ATP9B: variants seen among roughly 807,000 people sequenced by gnomAD.
The protein encoded by ATP9B is probable phospholipid-transporting ATPase IIB.
ATP9B carries 110 observed loss-of-function variants against 146.1 expected under a neutral mutation model. That is an observed-to-expected ratio of 0.75 (90% CI 0.65 to 0.88). The LOEUF is 0.88. Among genes scored for constraint, ATP9B ranks in the 40% least tolerant of loss-of-function variants. The pLI is 0.00. For synonymous variants in ATP9B, 604 were observed against 569.7 expected (o/e 1.06, Z -0.86); for missense variants, 1,499 against 1,496.4 (o/e 1.00, Z -0.03).
chr18:79,366,468 T>C (rs1208964490), intron 26 of ATP9B, among the ~76,000 whole-genome samples: 4 of 152,244 alleles, frequency 2.6e-5, no homozygotes, highest in African/African-American at 9.6e-5. Flanking sequence ...GTTTGGCATT[T>C]GCTTCTTACA....
chr18:79,167,560 G>A (rs1452973720), intron 7 of ATP9B, among the ~76,000 whole-genome samples: 4 of 151,974 alleles, frequency 2.6e-5, no homozygotes, highest in Non-Finnish European at 4.4e-5. Context: ...AGAGTAGAGG[G>A]GACCCGGAGT....
At chr18:79,374,703 A>G (rs567393208) in intron 28 of ATP9B, among the ~76,000 whole-genome samples, 263 of 152,376 alleles carry the variant, frequency 1.7e-3, no homozygotes, top group Non-Finnish European at 2.9e-3. Flanking sequence ...TACGTAGGAA[A>G]ATGTGAAATG....
chr18:79,167,295 A>G (rs182596213), intron 7 of ATP9B, among the ~76,000 whole-genome samples: 55 of 152,306 alleles, frequency 3.6e-4, no homozygotes, highest in African/African-American at 1.1e-3. Flanking sequence ...TATATGGACA[A>G]CTAGAGGGTA....
chr18:79,184,060 A>C (rs1317378543), intron 8 of ATP9B, among the ~76,000 whole-genome samples: 4 of 152,082 alleles, frequency 2.6e-5, no homozygotes, highest in Non-Finnish European at 5.9e-5. Flanking sequence ...GTAAATATTT[A>C]TATGTTTTCT....
chr18:79,376,131 C>CT (rs1336277875), intron 29 of ATP9B: 1 of 984,162 alleles, frequency 1.0e-6, no homozygotes, highest in Admixed American at 6.2e-5. Context: ...CAGCTGCCCT[C>CT]TGTTGCCCCC....
chr18:79,330,171 A>G (rs2096782514), intron 17 of ATP9B, 67 bp downstream of exon 17: 8 of 1,423,982 alleles, frequency 5.6e-6, no homozygotes, highest in African/African-American at 1.4e-5. Context: ...AGTGACTCTC[A>G]GCCTGGTTCA....
At chr18:79,232,518 C>T (rs1181616171) in intron 11 of ATP9B, among the ~76,000 whole-genome samples, 1 of 152,218 alleles carries the variant, frequency 6.6e-6, no homozygotes, top group African/African-American at 2.4e-5. Context: ...TAAAGCCCCA[C>T]ACTAAAGGCT....
At chr18:79,073,590 C>T (rs2072232131) in intron 1 of ATP9B, among the ~76,000 whole-genome samples, 1 of 152,152 alleles carries the variant, frequency 6.6e-6, no homozygotes, top group Non-Finnish European at 1.5e-5. Flanking sequence ...ACAGTCCAGC[C>T]TCGGCAACAG....
At chr18:79,312,154 T>G (rs887572535) in intron 15 of ATP9B, among the ~76,000 whole-genome samples, 4 of 152,178 alleles carry the variant, frequency 2.6e-5, no homozygotes, top group African/African-American at 9.6e-5. Context: ...TGGTCTTGGC[T>G]TCCCTGCTTG....
intron 8 of ATP9B, among the ~76,000 whole-genome samples, chr18:79,183,911 T>G (rs1174937830): frequency 6.6e-6 from 1 of 152,120 alleles, no homozygotes; most frequent in Non-Finnish European, 1.5e-5. Context: ...ACAATTCTAA[T>G]TTCTCAACAT....
chr18:79,230,988 T>A (rs968229334), intron 11 of ATP9B, among the ~76,000 whole-genome samples: 2 of 152,166 alleles, frequency 1.3e-5, no homozygotes, highest in African/African-American at 4.8e-5. Context: ...TCTCACTTTA[T>A]ACAAAAATCA....
intron 21 of ATP9B, among the ~76,000 whole-genome samples, chr18:79,344,957 C>G (rs536276993): frequency 7.2e-4 from 110 of 152,306 alleles, no homozygotes; most frequent in Non-Finnish European, 1.4e-3. Flanking sequence ...GGAGCCTCCC[C>G]CTGCACAGCT....
intron 13 of ATP9B, among the ~76,000 whole-genome samples, chr18:79,291,116 C>T (rs975211962): frequency 6.6e-6 from 1 of 152,098 alleles, no homozygotes; most frequent in Non-Finnish European, 1.5e-5. Context: ...TTCCTCTTTG[C>T]CTGCTTTGTT....
intron 8 of ATP9B, among the ~76,000 whole-genome samples, chr18:79,189,749 T>G (rs1448649540): frequency 1.3e-5 from 2 of 152,264 alleles, no homozygotes; most frequent in African/African-American, 4.8e-5. Flanking sequence ...CAGCCACAGC[T>G]GCAGACTTTA....
intron 25 of ATP9B, among the ~76,000 whole-genome samples, chr18:79,356,818 G>C (rs908994675): frequency 7.0e-6 from 1 of 143,450 alleles, no homozygotes; most frequent in African/African-American, 2.5e-5. Flanking sequence ...TGGGTCTGGA[G>C]GTGTCTGTGT....
At chr18:79,189,171 A>G (rs1227883066) in intron 8 of ATP9B, among the ~76,000 whole-genome samples, 2 of 151,854 alleles carry the variant, frequency 1.3e-5, no homozygotes, top group African/African-American at 2.4e-5. Context: ...ATATGGTAAA[A>G]CCCCATCTCT....
chr18:79,158,698 T>C (rs1291663746), intron 7 of ATP9B, among the ~76,000 whole-genome samples: 7 of 152,258 alleles, frequency 4.6e-5, no homozygotes. Context: ...TTGGAGAACA[T>C]ACTTTATATG....
intron 2 of ATP9B, among the ~76,000 whole-genome samples, chr18:79,101,958 T>C (rs1230428784): frequency 6.6e-6 from 1 of 152,188 alleles, no homozygotes; most frequent in African/African-American, 2.4e-5. Flanking sequence ...TTTTTTTCTT[T>C]TTTTTGAGAC....
intron 1 of ATP9B, among the ~76,000 whole-genome samples, chr18:79,094,608 GAAA>G (rs1252516452): frequency 6.6e-6 from 1 of 152,200 alleles, no homozygotes; most frequent in East Asian, 1.9e-4. Flanking sequence ...AAGGAAAAAA[GAAA>G]AAAACGTTCT....
Sources: gnomAD v4.1 joint callset for allele counts (sites outside exome capture counted in the v4.1 genomes callset) on GRCh38, gnomAD v4.1.1 for gene constraint, MANE v1.5 for transcripts, NCBI Gene and HGNC (gene_info 2026-07-23, HGNC 2026-07-21) for gene names.